The following PKHD1 variants were observed in gnomAD, a reference collection of about 807,000 sequenced individuals.
The protein encoded by PKHD1 is fibrocystin.
Under a neutral mutation model 412.0 loss-of-function variants are expected in PKHD1, and 291 were observed. The ratio of observed to expected loss-of-function variants is 0.71; its 90% CI spans 0.64 to 0.78. The LOEUF (loss-of-function observed/expected upper bound fraction) is 0.78. PKHD1 is among the 30% of genes least tolerant of loss of function. The probability of loss-of-function intolerance (pLI) is 0.00; values close to 1 mark genes in which losing one functional copy is unlikely to be tolerated. For synonymous variants in PKHD1, 1,777 were observed against 1,821.5 expected (o/e 0.98, Z 0.62); for missense variants, 4,825 against 4,950.7 (o/e 0.97, Z 0.76).
intron 36 of PKHD1, among the ~76,000 whole-genome samples, chr6:51,956,321 T>C (rs940394842): frequency 6.6e-6 from 1 of 151,984 alleles, no homozygotes; most frequent in Non-Finnish European, 1.5e-5. Context: ...TGTGTGTGTG[T>C]GTGTGTGTGT....
chr6:51,627,113 G>A lies in PKHD1; in HGVS notation c.11669C>T (p.Thr3890Ile). 6.2e-7 allele frequency: 1 copy of A among 1,611,508 alleles called. No individual in the cohort carries two copies. Among genetic ancestry groups the A allele is most frequent in the Non-Finnish European group, 8.5e-7 (1 of 1,177,844 alleles). ...GGATTCAGGAATCTCTTCAGGTTTT[G>A]TTTCTGTATTAATGGAGAAGAAAAA... ...CWLKRSKSRK[T>I]KPEEIPESQT... Residue 3890 changes from threonine (T) to isoleucine (I), a missense_variant, in exon 66 of 67, where the codon ACA becomes ATA. By Grantham distance (89) the Thr-to-Ile change is moderately conservative. Transcript: ENST00000371117.
At chr6:51,973,878 G>A (rs1194425910) in intron 35 of PKHD1, among the ~76,000 whole-genome samples, 1 of 152,066 alleles carries the variant, frequency 6.6e-6, no homozygotes, top group Non-Finnish European at 1.5e-5. Context: ...TATAGTTCAG[G>A]GATAATGAAA....
chr6:51,777,860 T>C (rs942043879), intron 53 of PKHD1, among the ~76,000 whole-genome samples: 5 of 151,996 alleles, frequency 3.3e-5, no homozygotes, highest in Non-Finnish European at 5.9e-5. Flanking sequence ...CTGCAGCACA[T>C]GTGGAGCTTT....
chr6:51,655,609 T>C (rs767373303), intron 61 of PKHD1, among the ~76,000 whole-genome samples: 1 of 152,118 alleles, frequency 6.6e-6, no homozygotes, highest in Non-Finnish European at 1.5e-5. Flanking sequence ...TCTATTGCTG[T>C]ATAACAAATT....
Position 51,959,388 on chromosome 6 carries a change from C to A in PKHD1, c.5908+482G>T, listed in dbSNP as rs190592442. Reference sequence around the variant, plus strand: ...TCTCAGCCTCTTCCAACTTCATAAACCCTAGAGCTATATAGCCGGTTTTGC... The same window carrying A: ...TCTCAGCCTCTTCCAACTTCATAAAACCTAGAGCTATATAGCCGGTTTTGC... On this transcript the variant is annotated intron_variant, in intron 36 of 66. Transcript: ENST00000371117. 1.2e-3 allele frequency among the ~76,000 whole-genome samples: 190 copies of A among 152,198 alleles called. 1 individual carries two copies. Among genetic ancestry groups the A allele is most frequent in the Admixed American group, 7.5e-3 (114 of 15,270 alleles).
At chr6:51,646,760 G>A (rs577075478) in intron 63 of PKHD1, among the ~76,000 whole-genome samples, 1 of 152,268 alleles carries the variant, frequency 6.6e-6, no homozygotes, top group East Asian at 1.9e-4. Context: ...AGATTCTGCT[G>A]ATTCAACTTC....
At chr6:51,931,930 G>C (rs13201227) in intron 37 of PKHD1, among the ~76,000 whole-genome samples, 7 of 149,774 alleles carry the variant, frequency 4.7e-5, no homozygotes, top group South Asian at 2.2e-4. Context: ...AAAGAAGAAA[G>C]AGGGAGAAGA....
chr6:51,719,940 A>G (rs975363905), intron 60 of PKHD1, among the ~76,000 whole-genome samples: 3 of 152,198 alleles, frequency 2.0e-5, no homozygotes, highest in Non-Finnish European at 4.4e-5. Context: ...AAGAGATTTT[A>G]CTATGCATAT....
rs532656018 is a variant in PKHD1, at chr6:51,677,817, C to G, written c.10157-17848G>C. ...TGAGAGAGAAGGTCAGATCTATACC[C>G]AATAGACCCTTCTTCTGATTCAACC... is the stretch of plus-strand genomic sequence containing the variant. On this transcript the variant is annotated intron_variant, in intron 60 of 66. Coordinates refer to ENST00000371117, the MANE Select transcript of PKHD1 (RefSeq NM_138694.4). 5.9e-5 allele frequency among the ~76,000 whole-genome samples: 9 copies of G among 152,118 alleles called. No individual in the cohort carries two copies. In the East Asian group the frequency reaches 1.2e-3, roughly 20 times the overall value.
chr6:51,970,545 T>A (rs908654128), intron 35 of PKHD1, among the ~76,000 whole-genome samples: 4 of 152,202 alleles, frequency 2.6e-5, no homozygotes, highest in African/African-American at 2.4e-5. Flanking sequence ...TCCAAAAAAG[T>A]TTTTCCTAGG....
At chr6:51,989,973 A>G (rs373146258) in intron 35 of PKHD1, among the ~76,000 whole-genome samples, 3,421 of 109,424 alleles carry the variant, frequency 0.031, 135 homozygotes, top group East Asian at 0.064. Context: ...GGAAGGAAGG[A>G]AGGAAGGAAG....
chr6:51,675,680 G>A (rs1775722464), intron 60 of PKHD1, among the ~76,000 whole-genome samples: 1 of 152,170 alleles, frequency 6.6e-6, no homozygotes, highest in Non-Finnish European at 1.5e-5. Context: ...CATAATCAAT[G>A]TGAATAGATA....
intron 42 of PKHD1, 99 bp from the exon 43 acceptor site, chr6:51,903,826 G>A (rs1052197788): frequency 6.6e-5 from 42 of 638,176 alleles, no homozygotes; most frequent in South Asian, 6.5e-4. Flanking sequence ...TTCACATAAT[G>A]CATTTCATAT....
intron 35 of PKHD1, among the ~76,000 whole-genome samples, chr6:51,999,563 G>A (rs1218863313): frequency 6.6e-6 from 1 of 152,174 alleles, no homozygotes; most frequent in African/African-American, 2.4e-5. Context: ...TTTAAAGTAA[G>A]AGCAGACTTC....
chr6:51,939,159 A>AC (rs931877088), intron 36 of PKHD1, among the ~76,000 whole-genome samples: 7 of 139,248 alleles, frequency 5.0e-5, no homozygotes, highest in South Asian at 2.3e-4. Flanking sequence ...GGGGGCAAGG[A>AC]CCCCCCTGAC....
chr6:51,844,132 T>A (rs1312781372), intron 50 of PKHD1, among the ~76,000 whole-genome samples: 1 of 152,218 alleles, frequency 6.6e-6, no homozygotes, highest in Non-Finnish European at 1.5e-5. Context: ...TGAAATAACA[T>A]GGCACATTAA....
At chr6:51,713,008 T>C (rs1780833597) in intron 60 of PKHD1, among the ~76,000 whole-genome samples, 1 of 152,186 alleles carries the variant, frequency 6.6e-6, no homozygotes, top group African/African-American at 2.4e-5. Flanking sequence ...GCTGAGAGGT[T>C]AAAACAGATA....
At chr6:51,937,286 T>A (rs535575304) in intron 36 of PKHD1, among the ~76,000 whole-genome samples, 3 of 152,238 alleles carry the variant, frequency 2.0e-5, no homozygotes, top group African/African-American at 7.2e-5. Flanking sequence ...TTATATGTAT[T>A]GATTGATGTC....
intron 39 of PKHD1, among the ~76,000 whole-genome samples, chr6:51,911,283 A>G (rs997115177): frequency 3.3e-5 from 5 of 152,166 alleles, no homozygotes; most frequent in African/African-American, 9.6e-5. Flanking sequence ...AGGCACATCA[A>G]TGTGATTCAG....
Sources: allele counts gnomAD v4.1 joint callset (sites outside exome capture counted in the v4.1 genomes callset), GRCh38; gene constraint gnomAD v4.1.1; transcripts MANE v1.5; gene names NCBI Gene and HGNC (gene_info 2026-07-23, HGNC 2026-07-21).